Variants in VRTN observed in about 807,000 individuals in gnomAD.
VRTN encodes the protein vertebrae development associated.
A neutral mutation model predicts 18.2 loss-of-function variants in VRTN; 5 were observed. The ratio of observed to expected loss-of-function variants is 0.27; its 90% CI spans 0.14 to 0.58. The LOEUF is 0.58. Among genes scored for constraint, VRTN ranks in the 20% least tolerant of loss-of-function variants. The pLI is 0.91. For missense variants in VRTN, 741 were observed against 939.4 expected (o/e 0.79, Z 2.76); for synonymous variants, 381 against 393.7 (o/e 0.97, Z 0.38).
At chr14:74,341,123 G>A (rs902496871) in intron 2 of VRTN, among the ~76,000 whole-genome samples, 1 of 152,228 alleles carries the variant, frequency 6.6e-6, no homozygotes, top group Non-Finnish European at 1.5e-5. Flanking sequence ...AATCTCTGTA[G>A]AAAGAAGGTG....
At chr14:74,327,459 C>T (rs558412539) in intron 1 of VRTN, among the ~76,000 whole-genome samples, 11 of 152,166 alleles carry the variant, frequency 7.2e-5, no homozygotes, top group African/African-American at 1.4e-4. Context: ...TTTCCTGATC[C>T]GCAGGGATGG....
chr14:74,358,246 G>A lies in VRTN; in HGVS notation c.1463G>A (p.Gly488Asp). 2 of 1,611,896 alleles carry A rather than the reference G, an allele frequency of 1.2e-6. No homozygotes were observed. The highest frequency in any genetic ancestry group is 1.1e-5 in the South Asian group (1 of 91,026). ...GAAGAGGGGGCAGGGAATGCCACAGGTGAGGACCCTCCCGCCCCCGGGGAG... is the reference window on the plus strand; with the variant it reads ...GAAGAGGGGGCAGGGAATGCCACAGATGAGGACCCTCCCGCCCCCGGGGAG... ...EAEEGAGNAT[G>D]EDPPAPGELL... is the part of the protein sequence containing the mutation. Residue 488 changes from glycine (G) to aspartate (D), a missense_variant, in exon 2 of 2, where the codon GGT becomes GAT. By Grantham distance (94) the Gly-to-Asp change is moderately conservative. Coordinates refer to ENST00000256362, the MANE Select transcript of VRTN (RefSeq NM_018228.3). The surrounding 1 kb of genome is among the most constrained non-coding windows in gnomAD (Gnocchi z 5.4).
chr14:74,356,654 T>G, intron 1 of VRTN, 129 bp from the exon 2 acceptor site: 6 of 1,259,282 alleles, frequency 4.8e-6, no homozygotes, highest in Non-Finnish European at 6.4e-6. Context: ...ATCCCGTCTG[T>G]TGTGGGAGGA....
intron 2 of VRTN, among the ~76,000 whole-genome samples, chr14:74,342,236 G>T (rs1306218631): frequency 7.7e-6 from 1 of 129,760 alleles, no homozygotes; most frequent in African/African-American, 3.7e-5. Flanking sequence ...GACACAGCAA[G>T]ACCCTGCTTC....
At chr14:74,313,472 G>A (rs529779343) in intron 1 of VRTN, among the ~76,000 whole-genome samples, 2 of 152,294 alleles carry the variant, frequency 1.3e-5, no homozygotes, top group South Asian at 2.1e-4. Context: ...TATCCTGTGG[G>A]CTGACCAGGT....
At chr14:74,349,002 C>T (rs368276481) in intron 1 of VRTN, among the ~76,000 whole-genome samples, 1 of 152,154 alleles carries the variant, frequency 6.6e-6, no homozygotes, top group East Asian at 1.9e-4. Context: ...AGCCCCGGAC[C>T]TGCCAGCTCC....
chr14:74,328,030 G>A (rs544474912), intron 1 of VRTN, among the ~76,000 whole-genome samples: 1 of 152,192 alleles, frequency 6.6e-6, no homozygotes, highest in East Asian at 1.9e-4. Flanking sequence ...CCTTGTGGGT[G>A]ATCTTGTCCT....
chr14:74,341,567 G>A (rs2085605813), intron 2 of VRTN, among the ~76,000 whole-genome samples: 1 of 152,206 alleles, frequency 6.6e-6, no homozygotes, highest in Non-Finnish European at 1.5e-5. Context: ...TGCCCAGGCT[G>A]GAGTGCAATG....
chr14:74,353,823 C>A (rs888983900), intron 1 of VRTN, among the ~76,000 whole-genome samples: 1 of 151,846 alleles, frequency 6.6e-6, no homozygotes, highest in Non-Finnish European at 1.5e-5. Context: ...CCCGGGTTCA[C>A]GCCATTCTCC....
intron 2 of VRTN, among the ~76,000 whole-genome samples, chr14:74,341,368 C>T (rs1045998381): frequency 1.3e-5 from 2 of 152,158 alleles, no homozygotes; most frequent in African/African-American, 2.4e-5. Flanking sequence ...AGACTTTTTA[C>T]CACCCAATCA....
At chr14:74,342,179 C>T (rs1378737583) in intron 2 of VRTN, among the ~76,000 whole-genome samples, 2 of 150,880 alleles carry the variant, frequency 1.3e-5, no homozygotes, top group African/African-American at 2.4e-5. Flanking sequence ...CTCAGGAGTT[C>T]GAGGCTGCAA....
intron 1 of VRTN, among the ~76,000 whole-genome samples, chr14:74,321,296 G>A (rs575320690): frequency 6.6e-6 from 1 of 152,256 alleles, no homozygotes; most frequent in East Asian, 1.9e-4. Context: ...AGCTGCATGA[G>A]GCATTTTGTA....
In VRTN at chr14:74,357,667, C is replaced by A. The variant is rs774410266; in HGVS notation, c.884C>A (p.Thr295Asn). The change falls in exon 2 of 2, where the codon ACC (threonine) becomes AAC (asparagine). Residue 295 changes from threonine (T) to asparagine (N), a missense_variant. This residue lies in a region of VRTN where 494 missense variants were observed against 546.5 expected (regional missense o/e 0.90). Coordinates refer to ENST00000256362, the MANE Select transcript of VRTN (RefSeq NM_018228.3). This position sits in a 1 kb window ranked among gnomAD's most constrained non-coding sequence, Gnocchi z 7.8. ...GAGCGCTACAGCGTCACCAAAAGCA[C>A]CTTCTACCGCTGGCGGCGGCAGTCC... ...LCERYSVTKS[T>N]FYRWRRQSQE... 1.9e-6 allele frequency: 3 copies of A among 1,613,794 alleles called. No individual in the cohort carries two copies. The highest frequency in any genetic ancestry group is 4.5e-5 in the East Asian group (2 of 44,884).
chr14:74,351,494 G>GT (rs2085683230), intron 1 of VRTN, among the ~76,000 whole-genome samples: 1 of 117,688 alleles, frequency 8.5e-6, no homozygotes, highest in Non-Finnish European at 1.7e-5. Context: ...CTGATTACCA[G>GT]GTTTTTTTTT....
Position 74,358,014 on chromosome 14 carries a change from C to G in VRTN, c.1231C>G (p.His411Asp). ...GCAGCGGGCCAAGTTGTACCTGGAG[C>G]ATTGCATCTCCCTGAACACACTGGT... ...LMQRAKLYLE[H>D]CISLNTLVPY... Residue 411 changes from histidine to aspartate, a missense_variant, in exon 2 of 2, where the codon CAT becomes GAT. Around this residue, in one of 3 missense-constraint regions of VRTN, gnomAD observed 494 missense variants for 546.5 expected, o/e 0.90. Transcript: ENST00000256362. The surrounding 1 kb of genome is among the most constrained non-coding windows in gnomAD (Gnocchi z 5.4). 2 of 1,614,206 alleles carry G rather than the reference C, an allele frequency of 1.2e-6. No individual in the cohort carries two copies. The highest frequency in any genetic ancestry group is 1.1e-5 in the South Asian group (1 of 91,090).
In VRTN at chr14:74,358,292, C is replaced by G. The variant is rs150918316; in HGVS notation, c.1509C>G (p.Pro503=). 1 of 1,611,408 alleles carries G rather than the reference C, an allele frequency of 6.2e-7. No individual in the cohort carries two copies. Among genetic ancestry groups the G allele is most frequent in the East Asian group, 2.2e-5 (1 of 44,786 alleles). The change falls in exon 2 of 2, where the codon CCC becomes CCG. Residue 503 remains proline (P), a synonymous_variant. Coordinates refer to ENST00000256362, the MANE Select transcript of VRTN (RefSeq NM_018228.3). This position sits in a 1 kb window ranked among gnomAD's most constrained non-coding sequence, Gnocchi z 5.4. ...GGGAGCTCCTGCCACTAAGGATGCC[C>G]CTGTCCCGTTGGCAGAGGCGTCTGC... is the stretch of plus-strand genomic sequence containing the variant. ...APGELLPLRM[P]LSRWQRRLRR...
chr14:74,344,179 G>C (rs1046733014), upstream of VRTN, among the ~76,000 whole-genome samples: 10 of 135,130 alleles, frequency 7.4e-5, no homozygotes, highest in East Asian at 9.4e-4. Flanking sequence ...GAGGCCAAAG[G>C]GGGAGGATCA....
chr14:74,355,066 C>T (rs1307540289), intron 1 of VRTN, among the ~76,000 whole-genome samples: 1 of 150,024 alleles, frequency 6.7e-6, no homozygotes. Flanking sequence ...CTCTTGAACC[C>T]GGGAGGTAGA....
intron 2 of VRTN, among the ~76,000 whole-genome samples, chr14:74,340,925 G>A (rs1382884606): frequency 6.6e-6 from 1 of 151,996 alleles, no homozygotes; most frequent in Non-Finnish European, 1.5e-5. Flanking sequence ...TGTGTTTTTA[G>A]TAGAGACGGG....
Sources: allele counts gnomAD v4.1 joint callset (sites outside exome capture counted in the v4.1 genomes callset), GRCh38; gene constraint gnomAD v4.1.1; regional missense constraint gnomAD v4.1.1; non-coding constraint Gnocchi (gnomAD v3.1); transcripts MANE v1.5; gene names NCBI Gene and HGNC (gene_info 2026-07-23, HGNC 2026-07-21).